The following GLIPR1L2 variants were observed in gnomAD, a reference collection of about 807,000 sequenced individuals.
GLIPR1L2 encodes the protein GLIPR1 like 2.
A neutral mutation model predicts 28.4 loss-of-function variants in GLIPR1L2; 21 were observed. The observed-to-expected ratio is 0.74, with a 90% CI of 0.52 to 1.06. GLIPR1L2 has a LOEUF of 1.06. GLIPR1L2 is among the 50% of genes least tolerant of loss of function. GLIPR1L2 has a pLI of 0.00. For missense variants in GLIPR1L2, 476 were observed against 416.9 expected, an observed-to-expected ratio of 1.14 and a Z score of -1.23; for synonymous variants, 145 against 139.3, an observed-to-expected ratio of 1.04 and a Z score of -0.29.
intron 3 of GLIPR1L2, among the ~76,000 whole-genome samples, chr12:75,421,747 G>A (rs544128911): frequency 6.6e-6 from 1 of 151,914 alleles, no homozygotes; most frequent in South Asian, 2.1e-4. Flanking sequence ...CTGTACAATG[G>A]GTTAAATCAA....
In GLIPR1L2 at chr12:75,431,346, A is replaced by C. The variant is rs2046091505; in HGVS notation, c.*185A>C. 1 of 470,840 alleles carries C rather than the reference A, an allele frequency of 2.1e-6. No homozygotes were observed. The highest frequency in any genetic ancestry group is 3.2e-5 in the East Asian group (1 of 31,626). The allele number at this position is 470,840 out of a possible 1,614,324, so 29.2% of individuals were successfully genotyped here. On this transcript the variant is annotated 3_prime_UTR_variant, in exon 6 of 6. Coordinates refer to ENST00000550916, the MANE Select transcript of GLIPR1L2 (RefSeq NM_001270396.2). ...TATTCAATCAATTTAAATTTGTAAA[A>C]CAAAGAAACAAAAAACATGTAAGGT...
At chr12:75,415,233 T>A (rs892267461) in intron 3 of GLIPR1L2, among the ~76,000 whole-genome samples, 2 of 152,078 alleles carry the variant, frequency 1.3e-5, no homozygotes, top group Admixed American at 1.3e-4. Flanking sequence ...GAATTTATCC[T>A]AAGTAATGAC....
chr12:75,408,883 A>C (rs1045619240), intron 1 of GLIPR1L2, among the ~76,000 whole-genome samples: 24 of 152,074 alleles, frequency 1.6e-4, no homozygotes, highest in African/African-American at 5.3e-4. Flanking sequence ...AGAGAGATGT[A>C]TAAACAGGCA....
At chr12:75,419,684 A>C (rs992206869) in intron 3 of GLIPR1L2, among the ~76,000 whole-genome samples, 1 of 152,218 alleles carries the variant, frequency 6.6e-6, no homozygotes, top group African/African-American at 2.4e-5. Context: ...TTAACTGTTT[A>C]ACTGTGTTCC....
intron 1 of GLIPR1L2, among the ~76,000 whole-genome samples, chr12:75,396,913 A>G (rs2045686806): frequency 6.6e-6 from 1 of 152,200 alleles, no homozygotes; most frequent in African/African-American, 2.4e-5. Flanking sequence ...GTTTTACCCC[A>G]TACTAGTACT....
intron 1 of GLIPR1L2, among the ~76,000 whole-genome samples, chr12:75,404,753 G>A (rs2045778216): frequency 1.3e-5 from 2 of 151,946 alleles, no homozygotes; most frequent in South Asian, 4.1e-4. Flanking sequence ...TAACATGCAT[G>A]TGCCATAAGA....
chr12:75,430,263 T>C (rs2139971198), intron 4 of GLIPR1L2, among the ~76,000 whole-genome samples: 1 of 152,328 alleles, frequency 6.6e-6, no homozygotes, highest in East Asian at 1.9e-4. Context: ...GAGCTAACTT[T>C]ACCTTCTGGG....
intron 1 of GLIPR1L2, among the ~76,000 whole-genome samples, chr12:75,405,394 G>T (rs2139933005): frequency 6.6e-6 from 1 of 152,202 alleles, no homozygotes; most frequent in East Asian, 1.9e-4. Context: ...TTGAAGGAAG[G>T]GTAACATGGG....
At chr12:75,402,453 A>AG (rs2045752433) in intron 1 of GLIPR1L2, among the ~76,000 whole-genome samples, 1 of 152,236 alleles carries the variant, frequency 6.6e-6, no homozygotes, top group Admixed American at 6.5e-5. Flanking sequence ...AAGGAGAAAA[A>AG]GGGAAAAAAA....
rs1286136968 is a variant in GLIPR1L2 at position 75,431,400 on chromosome 12, G to T, written c.*239G>T. The T allele has an allele frequency of 2.7e-6, 1 of 373,168 alleles. No individual in the cohort carries two copies. 23.1% of individuals were successfully genotyped at this position (373,168 alleles called of 1,614,324 possible). On this transcript the variant is annotated 3_prime_UTR_variant, in exon 6 of 6. Coordinates refer to ENST00000550916, the MANE Select transcript of GLIPR1L2 (RefSeq NM_001270396.2). ...CTCTTTGACACTAAGAACAGATAAA[G>T]ACATGACAGGAAAAACACTGAAAAA...
chr12:75,392,827 A>T (rs1198492008), intron 1 of GLIPR1L2, among the ~76,000 whole-genome samples: 1 of 152,048 alleles, frequency 6.6e-6, no homozygotes, highest in Non-Finnish European at 1.5e-5. Context: ...TTTTAAAGGA[A>T]TAGTATTTGA....
intron 1 of GLIPR1L2, among the ~76,000 whole-genome samples, chr12:75,400,504 A>G (rs1488883356): frequency 6.6e-6 from 1 of 152,178 alleles, no homozygotes; most frequent in Non-Finnish European, 1.5e-5. Flanking sequence ...GTATACGAAA[A>G]TTTAAAATAA....
chr12:75,423,249 T>A lies in GLIPR1L2; in HGVS notation c.670+260T>A, dbSNP rs2045997523. On this transcript the variant is annotated intron_variant, in intron 4 of 5. Coordinates refer to ENST00000550916, the MANE Select transcript of GLIPR1L2 (RefSeq NM_001270396.2). The stretch of plus-strand genomic sequence containing the variant: ...AGAAAGAAAGAATGAGAACTAACAG[T>A]TATACCCTTAAAAAGCTTCACAGTT... 10 of 1,288,684 alleles carry A rather than the reference T, an allele frequency of 7.8e-6. No individual in the cohort carries two copies. In the East Asian group the frequency reaches 3.3e-4, roughly 42 times the overall value. The allele number at this position is 1,288,684 out of a possible 1,614,324, so 79.8% of individuals were successfully genotyped here. A position where few individuals can be genotyped will look rare whatever the true frequency, so the allele number is the denominator to read the frequency against.
intron 4 of GLIPR1L2, chr12:75,423,646 T>A: frequency 5.0e-6 from 1 of 202,004 alleles, no homozygotes; most frequent in Non-Finnish European, 8.8e-6. Flanking sequence ...GGTATATACA[T>A]GCCATGGTGG....
intron 1 of GLIPR1L2, among the ~76,000 whole-genome samples, chr12:75,396,267 T>C (rs1566063113): frequency 6.6e-6 from 1 of 152,100 alleles, no homozygotes; most frequent in East Asian, 1.9e-4. Context: ...GGGGCTCAAG[T>C]GATCCTCCCA....
chr12:75,422,863 A>G lies in GLIPR1L2; in HGVS notation c.585-41A>G, dbSNP rs748757761. ...TATTTAAATTACATGTAAAAATGGA[A>G]GCTTATTCTAACTAAATGTTTTCTG... On this transcript the variant is annotated intron_variant, in intron 3 of 5. Transcript: ENST00000550916. The G allele has an allele frequency of 6.4e-5, 96 of 1,496,862 alleles. 2 individuals are homozygous for G. In the South Asian group the frequency reaches 9.4e-4, roughly 15 times the overall value. 92.7% of individuals were successfully genotyped at this position (1,496,862 alleles called of 1,614,324 possible).
Position 75,413,647 on chromosome 12 carries a change from CA to C in GLIPR1L2, c.535del (p.Ile179LeufsTer20). The C allele has an allele frequency of 1.3e-6, 2 of 1,567,302 alleles. No individual in the cohort carries two copies. Among genetic ancestry groups the C allele is most frequent in the African/African-American group, 1.4e-5 (1 of 72,594 alleles). On this transcript the variant is annotated frameshift_variant, in exon 3 of 6. Transcript: ENST00000550916. LOFTEE classifies it high-confidence loss of function. The stretch of plus-strand genomic sequence containing the variant: ...GTTGGTTGTGCTGTTACTCCATGTT[CA>C]AAAATTGGACATATTATACATGCAG... ...YKVGCAVTPC[S>X]KIGHIIHAAI...
chr12:75,410,778 A>C, intron 2 of GLIPR1L2, 99 bp downstream of exon 2: 1 of 884,272 alleles, frequency 1.1e-6, no homozygotes, highest in Non-Finnish European at 1.7e-6. Context: ...CAAATAATAA[A>C]ATTATCACAT....
In GLIPR1L2 at chr12:75,430,810, T is replaced by C. The variant is rs1282642565; in HGVS notation, c.698-14T>C. The C allele has an allele frequency of 1.3e-6, 2 of 1,533,158 alleles. No individual in the cohort carries two copies. The highest frequency in any genetic ancestry group is 2.0e-5 in the Admixed American group (1 of 50,428). The allele number at this position is 1,533,158 out of a possible 1,614,324, so 95.0% of individuals were successfully genotyped here. ...TATATGAAATCCAGCTTTCAATTGC[T>C]TCTTTGTTTACAGATTACCGATTTT... On this transcript the variant is annotated splice_polypyrimidine_tract_variant and intron_variant, in intron 5 of 5. Transcript: ENST00000550916.
Sources: gnomAD v4.1 joint callset for allele counts (sites outside exome capture counted in the v4.1 genomes callset) on GRCh38, gnomAD v4.1.1 for gene constraint, MANE v1.5 for transcripts, NCBI Gene and HGNC (gene_info 2026-07-23, HGNC 2026-07-21) for gene names.